The following PTPRD variants were observed in gnomAD, a reference collection of about 807,000 sequenced individuals.
The protein encoded by PTPRD is receptor-type tyrosine-protein phosphatase delta.
PTPRD carries 34 observed loss-of-function variants against 214.5 expected under a neutral mutation model. The observed-to-expected ratio is 0.16, with a 90% CI of 0.12 to 0.21. The LOEUF (loss-of-function observed/expected upper bound fraction) is 0.21. PTPRD is among the 10% of genes least tolerant of loss of function. The pLI, the probability that PTPRD is intolerant of heterozygous loss-of-function variation, is 1.00. For missense variants in PTPRD, 2,545 were observed against 2,398.7 expected, an observed-to-expected ratio of 1.06 and a Z score of -1.27; for synonymous variants, 1,128 against 845.7, an observed-to-expected ratio of 1.33 and a Z score of -5.79.
chr9:8,483,413 T>G (rs554022263), intron 30 of PTPRD, among the ~76,000 whole-genome samples: 1 of 152,330 alleles, frequency 6.6e-6, no homozygotes, highest in East Asian at 1.9e-4. Context: ...TGCCAAATAT[T>G]AGAGTTAATC....
At chr9:9,991,557 C>T (rs1313446598) in intron 4 of PTPRD, among the ~76,000 whole-genome samples, 1 of 151,902 alleles carries the variant, frequency 6.6e-6, no homozygotes, top group African/African-American at 2.4e-5. Flanking sequence ...GATGGGGTTT[C>T]TCCATGTTGG....
chr9:10,006,476 T>A (rs1406238913), intron 4 of PTPRD, among the ~76,000 whole-genome samples: 2 of 151,980 alleles, frequency 1.3e-5, no homozygotes, highest in East Asian at 3.9e-4. Context: ...AGTCCATATA[T>A]CCTCCCAATG....
intron 5 of PTPRD, among the ~76,000 whole-genome samples, chr9:9,819,925 T>C (rs1291175920): frequency 6.6e-6 from 1 of 152,186 alleles, no homozygotes; most frequent in Non-Finnish European, 1.5e-5. Context: ...TTCCATATCT[T>C]TGCTATTGTG....
At chr9:9,145,268 C>T (rs2099866728) in intron 10 of PTPRD, among the ~76,000 whole-genome samples, 1 of 152,066 alleles carries the variant, frequency 6.6e-6, no homozygotes, top group Admixed American at 6.5e-5. Flanking sequence ...TAGAAGTTTC[C>T]TAAATTTATC....
chr9:10,128,059 C>A (rs920248893), intron 3 of PTPRD, among the ~76,000 whole-genome samples: 4 of 152,116 alleles, frequency 2.6e-5, no homozygotes, highest in African/African-American at 9.7e-5. Context: ...TTTTAGCTGA[C>A]TCAGGATGAA....
chr9:9,003,533 G>C (rs890277131), intron 11 of PTPRD, among the ~76,000 whole-genome samples: 3 of 152,016 alleles, frequency 2.0e-5, no homozygotes, highest in Non-Finnish European at 2.9e-5. Context: ...GTCTATGATG[G>C]TGATTGTTGG....
chr9:10,000,790 C>CT (rs1197766465), intron 4 of PTPRD, among the ~76,000 whole-genome samples: 1 of 152,184 alleles, frequency 6.6e-6, no homozygotes, highest in Non-Finnish European at 1.5e-5. Context: ...GATTCTCACC[C>CT]TTTTCTTGTC....
chr9:10,560,055 T>G (rs2063521149), intron 2 of PTPRD, among the ~76,000 whole-genome samples: 1 of 152,210 alleles, frequency 6.6e-6, no homozygotes, highest in South Asian at 2.1e-4. Context: ...CATCCATTAC[T>G]GGGTATATAC....
intron 4 of PTPRD, among the ~76,000 whole-genome samples, chr9:9,987,193 T>C (rs1320126355): frequency 6.6e-6 from 1 of 152,160 alleles, no homozygotes; most frequent in Admixed American, 6.5e-5. Context: ...TTAATAGAAA[T>C]AATAAACATG....
At chr9:9,629,470 T>C (rs2095523615) in intron 7 of PTPRD, among the ~76,000 whole-genome samples, 1 of 152,112 alleles carries the variant, frequency 6.6e-6, no homozygotes, top group African/African-American at 2.4e-5. Context: ...ACTGCATATG[T>C]AACAGGATGC....
intron 8 of PTPRD, among the ~76,000 whole-genome samples, chr9:9,527,709 A>C (rs187162966): frequency 6.6e-6 from 1 of 152,244 alleles, no homozygotes; most frequent in East Asian, 1.9e-4. Flanking sequence ...TCTCTTTCCC[A>C]ATAAGGAGTT....
chr9:8,589,722 G>A (rs766396234), intron 14 of PTPRD, among the ~76,000 whole-genome samples: 2 of 152,128 alleles, frequency 1.3e-5, no homozygotes, highest in African/African-American at 2.4e-5. Flanking sequence ...GCGTTGGCAC[G>A]TCTGCCACCT....
chr9:8,916,790 C>G (rs879555867), intron 11 of PTPRD, among the ~76,000 whole-genome samples: 1 of 152,056 alleles, frequency 6.6e-6, no homozygotes, highest in Non-Finnish European at 1.5e-5. Flanking sequence ...TTTTTTGTTT[C>G]AAATTGGAAA....
chr9:8,860,831 C>A (rs2098088637), intron 11 of PTPRD: 2 of 152,136 alleles, frequency 1.3e-5, no homozygotes, highest in South Asian at 4.1e-4. Flanking sequence ...CTATTTGGTG[C>A]CAGAAGCAGG....
At chr9:8,713,821 A>T (rs1193866584) in intron 12 of PTPRD, 2 of 1,522,680 alleles carry the variant, frequency 1.3e-6, no homozygotes, top group African/African-American at 2.7e-5. Flanking sequence ...CACCACCAAG[A>T]GGCCCAACAC....
intron 11 of PTPRD, among the ~76,000 whole-genome samples, chr9:8,910,382 G>A (rs927846324): frequency 1.3e-5 from 2 of 152,190 alleles, no homozygotes; most frequent in Admixed American, 1.3e-4. Context: ...TGAGAGTGGG[G>A]CCTTTAAGAG....
At chr9:8,625,873 A>G (rs1478662154) in intron 14 of PTPRD, among the ~76,000 whole-genome samples, 2 of 151,534 alleles carry the variant, frequency 1.3e-5, no homozygotes, top group African/African-American at 4.8e-5. Context: ...AGTAGTTAAA[A>G]AAAAAAAAAA....
chr9:8,732,284 G>A (rs921393326), intron 12 of PTPRD, among the ~76,000 whole-genome samples: 11 of 152,094 alleles, frequency 7.2e-5, no homozygotes, highest in African/African-American at 2.4e-4. Context: ...CTTCATGGAC[G>A]TACAATAATT....
intron 3 of PTPRD, among the ~76,000 whole-genome samples, chr9:10,174,025 A>C (rs2099229529): frequency 6.6e-6 from 1 of 152,184 alleles, no homozygotes; most frequent in Non-Finnish European, 1.5e-5. Flanking sequence ...TAATCTATTT[A>C]GAACTCTATG....
Sources: allele counts gnomAD v4.1 joint callset (sites outside exome capture counted in the v4.1 genomes callset), GRCh38; gene constraint gnomAD v4.1.1; transcripts MANE v1.5; gene names NCBI Gene and HGNC (gene_info 2026-07-23, HGNC 2026-07-21).